Variants in WWOX observed in about 807,000 individuals in gnomAD.
WWOX encodes WW domain containing oxidoreductase.
Under a neutral mutation model 46.2 loss-of-function variants are expected in WWOX, and 69 were observed. That is an observed-to-expected ratio of 1.49 (90% CI 1.23 to 1.82). The LOEUF is 1.82. WWOX is among the 40% of genes most tolerant of loss of function. WWOX has a pLI of 0.00. For missense variants in WWOX, 919 were observed against 542.6 expected, an observed-to-expected ratio of 1.69 and a Z score of -6.89; for synonymous variants, 359 against 202.6, an observed-to-expected ratio of 1.77 and a Z score of -6.56.
chr16:78,300,094 T>G (rs908866151), intron 5 of WWOX, among the ~76,000 whole-genome samples: 1 of 152,178 alleles, frequency 6.6e-6, no homozygotes, highest in African/African-American at 2.4e-5. Context: ...GAGTAGAAAT[T>G]AAGACATAGC....
rs770964027 is a variant in WWOX at position 78,436,997 on chromosome 16, C to G, written c.1056+4245C>G. On this transcript the variant is annotated intron_variant, in intron 8 of 8. Coordinates refer to ENST00000566780, the MANE Select transcript of WWOX (RefSeq NM_016373.4). Reference sequence around the variant, plus strand: ...GTGATTGAGAAGCTTAGCATAGATGCAATGTCCCTATCACCAGATGGCTAG... The same window carrying G: ...GTGATTGAGAAGCTTAGCATAGATGGAATGTCCCTATCACCAGATGGCTAG... Among the ~76,000 whole-genome samples, 60 of 152,180 alleles carry G rather than the reference C, an allele frequency of 3.9e-4. 1 individual carries two copies. The highest frequency in any genetic ancestry group is 7.1e-4 in the Non-Finnish European group (48 of 68,036).
At chr16:78,741,984 C>G (rs1420321304) in intron 8 of WWOX, among the ~76,000 whole-genome samples, 1 of 152,154 alleles carries the variant, frequency 6.6e-6, no homozygotes, top group Non-Finnish European at 1.5e-5. Context: ...TCTCTCCCTC[C>G]TTACCTGCCT....
At chr16:78,826,886 G>A (rs2051672609) in intron 8 of WWOX, among the ~76,000 whole-genome samples, 6 of 152,154 alleles carry the variant, frequency 3.9e-5, no homozygotes, top group Admixed American at 3.3e-4. Flanking sequence ...CCCTTTCCCT[G>A]TAAGTGGAAG....
intron 5 of WWOX, among the ~76,000 whole-genome samples, chr16:78,227,262 A>G (rs1311517054): frequency 2.0e-5 from 3 of 152,226 alleles, no homozygotes; most frequent in Non-Finnish European, 2.9e-5. Context: ...GTAGTTGAAT[A>G]AGAATGACTT....
chr16:79,196,401 C>G (rs924397710), intron 8 of WWOX: 3 of 152,082 alleles, frequency 2.0e-5, no homozygotes, highest in African/African-American at 7.2e-5. Flanking sequence ...CCAGTTTGAA[C>G]CGAGGGACCT....
At chr16:78,440,321 T>A (rs1239531128) in intron 8 of WWOX, among the ~76,000 whole-genome samples, 1 of 152,186 alleles carries the variant, frequency 6.6e-6, no homozygotes, top group Admixed American at 6.5e-5. Context: ...CCATGCTCTT[T>A]CTTTCCTTAG....
chr16:78,862,329 T>C (rs1471072254), intron 8 of WWOX, among the ~76,000 whole-genome samples: 1 of 143,620 alleles, frequency 7.0e-6, no homozygotes, highest in Admixed American at 6.7e-5. Context: ...TTTCTATATC[T>C]ATACATTATA....
rs1017098299 is a variant in WWOX at position 78,515,164 on chromosome 16, C to T, written c.1056+82412C>T. Among the ~76,000 whole-genome samples the T allele has an allele frequency of 1.4e-4, 22 of 152,278 alleles. 1 individual carries two copies. In the East Asian group the frequency reaches 3.9e-3, roughly 27 times the overall value. ...ACTTGAACCCGGGAGGCGGAGGTTA[C>T]AGTGAACCGAGATCGTGTCACTGCA... On this transcript the variant is annotated intron_variant, in intron 8 of 8. Coordinates refer to ENST00000566780, the MANE Select transcript of WWOX (RefSeq NM_016373.4).
At chr16:79,202,957 T>C (rs1260012132) in intron 8 of WWOX, 1 of 152,314 alleles carries the variant, frequency 6.6e-6, no homozygotes, top group South Asian at 2.1e-4. Context: ...TTTGTAACTT[T>C]CTATGCTAAG....
intron 8 of WWOX, among the ~76,000 whole-genome samples, chr16:79,001,208 A>G (rs1370680525): frequency 6.6e-6 from 1 of 152,202 alleles, no homozygotes; most frequent in Admixed American, 6.5e-5. Flanking sequence ...TGCAGTCTCG[A>G]GGAACGGAGG....
chr16:78,763,538 C>G (rs2049846509), intron 8 of WWOX, among the ~76,000 whole-genome samples: 1 of 152,166 alleles, frequency 6.6e-6, no homozygotes, highest in Non-Finnish European at 1.5e-5. Context: ...GTATGAAACT[C>G]TGTTCCAAAT....
intron 5 of WWOX, among the ~76,000 whole-genome samples, chr16:78,304,103 C>G (rs144229894): frequency 2.2e-4 from 34 of 152,294 alleles, no homozygotes; most frequent in African/African-American, 7.9e-4. Context: ...TGCTCCTTCT[C>G]CAAGAAACCT....
intron 8 of WWOX, among the ~76,000 whole-genome samples, chr16:78,547,494 G>C (rs1409323807): frequency 6.6e-6 from 1 of 152,298 alleles, no homozygotes; most frequent in South Asian, 2.1e-4. Context: ...CACTGTATTA[G>C]TTACAAGTGA....
chr16:78,143,859 A>C (rs1358785953), intron 4 of WWOX, among the ~76,000 whole-genome samples: 1 of 151,760 alleles, frequency 6.6e-6, no homozygotes, highest in East Asian at 1.9e-4. Flanking sequence ...AACTTTAAAC[A>C]TTAAAATGTT....
intron 8 of WWOX, among the ~76,000 whole-genome samples, chr16:79,190,216 G>A (rs912025988): frequency 7.2e-5 from 11 of 151,990 alleles, no homozygotes; most frequent in African/African-American, 2.7e-4. Context: ...GTAAAGACAG[G>A]GTTTCACCGT....
chr16:78,628,740 C>T (rs2046365195), intron 8 of WWOX, among the ~76,000 whole-genome samples: 1 of 152,044 alleles, frequency 6.6e-6, no homozygotes, highest in Non-Finnish European at 1.5e-5. Flanking sequence ...GGGTTAATTT[C>T]TTGCTTTCAA....
intron 8 of WWOX, among the ~76,000 whole-genome samples, chr16:78,986,455 G>C (rs1007193997): frequency 6.6e-6 from 1 of 152,190 alleles, no homozygotes; most frequent in African/African-American, 2.4e-5. Flanking sequence ...TTCTAAGTAG[G>C]TTGGGGCTGT....
rs142702377 is a variant in WWOX, at chr16:79,166,817, A to T, written c.1057-44791A>T. Among the ~76,000 whole-genome samples the T allele has an allele frequency of 1.3e-4, 20 of 152,346 alleles. No individual in the cohort carries two copies. In the East Asian group the frequency reaches 2.9e-3, roughly 22 times the overall value. ...TCTTGTTAATAGTAGGCCCTGAATA[A>T]AGACCAGTTGAACAAATAAACTATT... is the stretch of plus-strand genomic sequence containing the variant. On this transcript the variant is annotated intron_variant, in intron 8 of 8. Transcript: ENST00000566780.
chr16:78,327,787 T>G (rs1440371244), intron 5 of WWOX, among the ~76,000 whole-genome samples: 2 of 151,364 alleles, frequency 1.3e-5, no homozygotes, highest in East Asian at 3.9e-4. Flanking sequence ...TTGTACAAAG[T>G]GCTTCTGCAA....
Sources: gnomAD v4.1 joint callset for allele counts (sites outside exome capture counted in the v4.1 genomes callset) on GRCh38, gnomAD v4.1.1 for gene constraint, MANE v1.5 for transcripts, NCBI Gene and HGNC (gene_info 2026-07-23, HGNC 2026-07-21) for gene names.